The following THEM6 variants were observed in gnomAD, a reference collection of about 807,000 sequenced individuals.
THEM6 encodes thioesterase superfamily member 6, also known as protein THEM6.
In THEM6, 10 loss-of-function variants were observed where a neutral mutation model predicts 13.7. That is an observed-to-expected ratio of 0.73 (90% CI 0.45 to 1.24). THEM6 has a LOEUF of 1.24. Ranked by LOEUF, THEM6 falls within the 50% of genes most tolerant of loss-of-function variation. THEM6 has a pLI of 0.00. For synonymous variants in THEM6, 161 were observed against 156.0 expected, an observed-to-expected ratio of 1.03 and a Z score of -0.24; for missense variants, 317 against 312.6, an observed-to-expected ratio of 1.01 and a Z score of -0.11.
In THEM6 at chr8:142,727,462, C is replaced by A; in HGVS notation, c.116C>A (p.Pro39Gln). 1 of 1,566,708 alleles carries A rather than the reference C, an allele frequency of 6.4e-7. No homozygotes were observed. Among genetic ancestry groups the A allele is most frequent in the Non-Finnish European group, 8.6e-7 (1 of 1,164,274 alleles). ...CAVLRARLLQ[P>Q]RVRDLLAEQR... ...GTGCTGCGCGCGCGCCTGCTGCAGC[C>A]GCGCGTCCGTGACCTGCTAGCTGAG... is the stretch of plus-strand genomic sequence containing the variant. The change falls in exon 1 of 2, where the codon CCG (proline) becomes CAG (glutamine). Residue 39 changes from proline to glutamine, a missense_variant. Coordinates refer to ENST00000336138, the MANE Select transcript of THEM6 (RefSeq NM_016647.3).
intron 1 of THEM6, 144 bp downstream of exon 1, chr8:142,728,003 C>T (rs1213743740): frequency 2.2e-6 from 2 of 907,334 alleles, no homozygotes; most frequent in East Asian, 6.7e-5. Context: ...TCTTACCGCT[C>T]CCGCCCCTCC....
In THEM6 at chr8:142,736,320, C is replaced by T. The variant is rs1290150829; in HGVS notation, c.*881C>T. On this transcript the variant is annotated 3_prime_UTR_variant, in exon 2 of 2. Transcript: ENST00000336138. ...CCCACCCTTTCTGGGCCTACAGCAC[C>T]ACAGGCCGCTGTACCCCCTTAGAGC... is the stretch of plus-strand genomic sequence containing the variant. 1 of 152,592 alleles carries T rather than the reference C, an allele frequency of 6.6e-6. No individual in the cohort carries two copies. The highest frequency in any genetic ancestry group is 2.4e-5 in the African/African-American group (1 of 41,466). The allele number at this position is 152,592 out of a possible 1,614,324, so 9.5% of individuals were successfully genotyped here.
intron 1 of THEM6, among the ~76,000 whole-genome samples, chr8:142,729,481 G>A (rs1163892790): frequency 6.6e-6 from 1 of 152,110 alleles, no homozygotes; most frequent in African/African-American, 2.4e-5. Flanking sequence ...ATACTCTCTC[G>A]ATGGCTAAGG....
chr8:142,732,420 G>A (rs926029553), intron 1 of THEM6, among the ~76,000 whole-genome samples: 1 of 151,314 alleles, frequency 6.6e-6, no homozygotes, highest in Non-Finnish European at 1.5e-5. Context: ...TAGGCGTGCT[G>A]GTATAAATCC....
chr8:142,732,805 G>A (rs1815681612), intron 1 of THEM6, among the ~76,000 whole-genome samples: 2 of 151,712 alleles, frequency 1.3e-5, no homozygotes, highest in African/African-American at 4.8e-5. Context: ...ACTGCAGTGA[G>A]GCAGAGGAGC....
At position 142,735,319 on chromosome 8, in the gene THEM6, T is replaced by G. The variant is rs1201411154; in HGVS notation, c.514-7T>G. 2 of 1,551,076 alleles carry G rather than the reference T, an allele frequency of 1.3e-6. No individual in the cohort carries two copies. Among genetic ancestry groups the G allele is most frequent in the Non-Finnish European group, 1.7e-6 (2 of 1,146,546 alleles). On this transcript the variant is annotated splice_polypyrimidine_tract_variant and splice_region_variant and intron_variant, in intron 1 of 1. Coordinates refer to ENST00000336138, the MANE Select transcript of THEM6 (RefSeq NM_016647.3). ...TTAGCTGGGTGTCCCCTTTCTGTCC[T>G]CTGCAGGTGGAGCCCCCTGAGCTGC...
rs1292999147 is a variant in THEM6 at position 142,727,312 on chromosome 8, G to A, written c.-35G>A. On this transcript the variant is annotated 5_prime_UTR_variant, in exon 1 of 2. Transcript: ENST00000336138. ...CCGCGGACACCGGCACCGGCGCCAC[G>A]GACTCCGCAGGACCCCGCGCCCGCC... is the stretch of plus-strand genomic sequence containing the variant. 2 of 1,450,956 alleles carry A rather than the reference G, an allele frequency of 1.4e-6. No homozygotes were observed. Among genetic ancestry groups the A allele is most frequent in the Non-Finnish European group, 1.8e-6 (2 of 1,112,404 alleles). 89.9% of individuals were successfully genotyped at this position (1,450,956 alleles called of 1,614,324 possible). A position where few individuals can be genotyped will look rare whatever the true frequency, so the allele number is the denominator to read the frequency against.
chr8:142,727,659 G>T lies in THEM6; in HGVS notation c.313G>T (p.Ala105Ser). Reference sequence around the variant, plus strand: ...GCACACGGTGCTGGCGGCCTCGTGCGCGCGCCACCGCCGCTCGCTGCGCCT... The same window carrying T: ...GCACACGGTGCTGGCGGCCTCGTGCTCGCGCCACCGCCGCTCGCTGCGCCT... ...RAHTVLAASC[A>S]RHRRSLRLLE... The change falls in exon 1 of 2, where the codon GCG becomes TCG. Residue 105 changes from alanine (A) to serine (S), a missense_variant. Ala to Ser is a moderately conservative substitution (Grantham distance 99). Transcript: ENST00000336138. 7.0e-7 allele frequency: 1 copy of T among 1,437,602 alleles called. No individual in the cohort carries two copies. Among genetic ancestry groups the T allele is most frequent in the Non-Finnish European group, 9.0e-7 (1 of 1,107,016 alleles). 89.1% of individuals were successfully genotyped at this position (1,437,602 alleles called of 1,614,324 possible). A position where few individuals can be genotyped will look rare whatever the true frequency, so the allele number is the denominator to read the frequency against.
At chr8:142,727,913 G>A in intron 1 of THEM6, 54 bp downstream of exon 1, 2 of 1,371,260 alleles carry the variant, frequency 1.5e-6, no homozygotes, top group Non-Finnish European at 1.9e-6. Context: ...GACCTCCGGG[G>A]GCTCCTCCTA....
rs1554642490 is a variant in THEM6, at chr8:142,727,630, G to A, written c.284G>A (p.Arg95Gln). 2.0e-6 allele frequency: 3 copies of A among 1,490,882 alleles called. No individual in the cohort carries two copies. Among genetic ancestry groups the A allele is most frequent in the Non-Finnish European group, 2.7e-6 (3 of 1,128,674 alleles). 92.4% of individuals were successfully genotyped at this position (1,490,882 alleles called of 1,614,324 possible). A position where few individuals can be genotyped will look rare whatever the true frequency, so the allele number is the denominator to read the frequency against. ...CGVLGALREL[R>Q]AHTVLAASCA... ...GTGCTCGGGGCGCTGAGGGAGTTGCGGGCGCACACGGTGCTGGCGGCCTCG... is the reference window on the plus strand; with the variant it reads ...GTGCTCGGGGCGCTGAGGGAGTTGCAGGCGCACACGGTGCTGGCGGCCTCG... Residue 95 changes from arginine to glutamine, a missense_variant, in exon 1 of 2, where the codon CGG (arginine) becomes CAG (glutamine). Physicochemically the swap from Arg to Gln is conservative, Grantham distance 43. Transcript: ENST00000336138.
rs908995638 is a variant in THEM6, at chr8:142,727,223, G to A, written c.-124G>A. On this transcript the variant is annotated 5_prime_UTR_variant, in exon 1 of 2. Transcript: ENST00000336138. Reference sequence around the variant, plus strand: ...TCCCCCTCGGCCGCCCTCGCGCTGTGGTTCGCTCCGGGCGCGCTGCGCTCG... The same window carrying A: ...TCCCCCTCGGCCGCCCTCGCGCTGTAGTTCGCTCCGGGCGCGCTGCGCTCG... 1.8e-4 allele frequency: 191 copies of A among 1,047,064 alleles called. 2 individuals carry two copies. In the African/African-American group the frequency reaches 2.9e-3, roughly 16 times the overall value. The allele number at this position is 1,047,064 out of a possible 1,614,324, so 64.9% of individuals were successfully genotyped here.
At chr8:142,732,723 T>A (rs946673687) in intron 1 of THEM6, among the ~76,000 whole-genome samples, 1 of 151,178 alleles carries the variant, frequency 6.6e-6, no homozygotes, top group African/African-American at 2.4e-5. Flanking sequence ...TTTTTTTTTT[T>A]TTTTCTGCAT....
chr8:142,732,757 T>C (rs901937164), intron 1 of THEM6, among the ~76,000 whole-genome samples: 2 of 150,338 alleles, frequency 1.3e-5, no homozygotes, highest in African/African-American at 4.9e-5. Context: ...GGTTTATTCG[T>C]CACACCAGGT....
chr8:142,735,710 G>A lies in THEM6; in HGVS notation c.*271G>A, dbSNP rs1385592175. ...AAAGGAGAGTCCTGCCTGGCCCTACGATGAGGCCACTCATGTGGGCCTAGG... is the reference window on the plus strand; with the variant it reads ...AAAGGAGAGTCCTGCCTGGCCCTACAATGAGGCCACTCATGTGGGCCTAGG... On this transcript the variant is annotated 3_prime_UTR_variant, in exon 2 of 2. Coordinates refer to ENST00000336138, the MANE Select transcript of THEM6 (RefSeq NM_016647.3). The A allele has an allele frequency of 6.5e-6, 3 of 458,250 alleles. No homozygotes were observed. The highest frequency in any genetic ancestry group is 2.0e-5 in the African/African-American group (1 of 51,024). The allele number at this position is 458,250 out of a possible 1,614,324, so 28.4% of individuals were successfully genotyped here. A position where few individuals can be genotyped will look rare whatever the true frequency, so the allele number is the denominator to read the frequency against.
chr8:142,729,310 T>C (rs969012920), intron 1 of THEM6, among the ~76,000 whole-genome samples: 19 of 152,344 alleles, frequency 1.2e-4, no homozygotes, highest in African/African-American at 4.3e-4. Context: ...AGCAAGGCCA[T>C]TTTTACTTCC....
At position 142,735,478 on chromosome 8, in the gene THEM6, G is replaced by T; in HGVS notation, c.*39G>T. 1 of 1,457,724 alleles carries T rather than the reference G, an allele frequency of 6.9e-7. No homozygotes were observed. The highest frequency in any genetic ancestry group is 9.4e-7 in the Non-Finnish European group (1 of 1,063,864). 90.3% of individuals were successfully genotyped at this position (1,457,724 alleles called of 1,614,324 possible). ...ACCGTCTGCCCTGGCCACCATCCTG[G>T]GCCTGGGGGCTGCCCACAGATGGGC... On this transcript the variant is annotated 3_prime_UTR_variant, in exon 2 of 2. Transcript: ENST00000336138.
chr8:142,733,949 G>C (rs762174222), intron 1 of THEM6, among the ~76,000 whole-genome samples: 2 of 152,222 alleles, frequency 1.3e-5, no homozygotes, highest in Non-Finnish European at 2.9e-5. Flanking sequence ...TCAGTAGAAA[G>C]GCATGTCTGG....
At chr8:142,732,207 T>TATATATATATATATA (rs1563822652) in intron 1 of THEM6, among the ~76,000 whole-genome samples, 96 of 91,442 alleles carry the variant, frequency 1.0e-3, no homozygotes, top group Non-Finnish European at 1.5e-3. Flanking sequence ...TATATATATA[T>TATATATATATATATA]TTTAACTACT....
At position 142,730,300 on chromosome 8, in the gene THEM6, G is replaced by GT. The variant is rs587654570; in HGVS notation, c.513+2447dup. Among the ~76,000 whole-genome samples, 52 of 152,166 alleles carry GT rather than the reference G, an allele frequency of 3.4e-4. No homozygotes were observed. In the South Asian group the frequency reaches 0.01, roughly 31 times the overall value. On this transcript the variant is annotated intron_variant, in intron 1 of 1. Coordinates refer to ENST00000336138, the MANE Select transcript of THEM6 (RefSeq NM_016647.3). ...TAGGGTTCTTCCCAGGCTGGCTCAAGTTTTTTCTTTCTGTCTTTTGATGAG... is the reference window on the plus strand; with the variant it reads ...TAGGGTTCTTCCCAGGCTGGCTCAAGTTTTTTTCTTTCTGTCTTTTGATGAG...
Sources: allele counts gnomAD v4.1 joint callset (sites outside exome capture counted in the v4.1 genomes callset), GRCh38; gene constraint gnomAD v4.1.1; transcripts MANE v1.5; gene names NCBI Gene and HGNC (gene_info 2026-07-23, HGNC 2026-07-21).